Variants in ZNF83 observed in about 807,000 individuals in gnomAD.
The protein encoded by ZNF83 is zinc finger protein 816B.
For missense variants in ZNF83, 552 were observed against 629.9 expected (o/e 0.88, Z 1.32); for synonymous variants, 209 against 213.0 (o/e 0.98, Z 0.17).
At chr19:52,684,195 T>G (rs2061975119) in intron 1 of ZNF83, among the ~76,000 whole-genome samples, 1 of 151,874 alleles carries the variant, frequency 6.6e-6, no homozygotes, top group Non-Finnish European at 1.5e-5. Context: ...ATCGTGAAAC[T>G]GCATCTCTAC....
rs558320941 is a variant in ZNF83 at position 52,646,931 on chromosome 19, A to G, written c.-74+8630T>C. Among the ~76,000 whole-genome samples the G allele has an allele frequency of 1.6e-4, 24 of 152,272 alleles. No homozygotes were observed. The South Asian group carries it at 5.0e-3, about 32-fold the overall frequency. ...TATAGATTACATAACCTGTCACTGTATGATTTACTGTCTTTGTCCTGCTTC... is the reference window on the plus strand; with the variant it reads ...TATAGATTACATAACCTGTCACTGTGTGATTTACTGTCTTTGTCCTGCTTC... On this transcript the variant is annotated intron_variant, in intron 3 of 5. Coordinates refer to the ZNF83 transcript ENST00000594682.
chr19:52,641,920 G>T (rs1429903737), upstream of ZNF83, among the ~76,000 whole-genome samples: 1 of 152,100 alleles, frequency 6.6e-6, no homozygotes, highest in African/African-American at 2.4e-5. Context: ...CTGGAAAGGT[G>T]GAAAAACTGG....
Position 52,683,528 on chromosome 19 carries a change from A to ACACTCACTCTG in ZNF83, c.-283+6914_-283+6915insCAGAGTGAGTG, listed in dbSNP as rs1216197668. On this transcript the variant is annotated intron_variant, in intron 1 of 5. Transcript: ENST00000594682. ...CCCTTCCTGAAGGGAATCCAAAGGG[A>ACACTCACTCTG]AGGGCAAAGTCCCTGCCCATAATGG... Among the ~76,000 whole-genome samples the ACACTCACTCTG allele has an allele frequency of 2.4e-5, 2 of 82,686 alleles. 1 individual carries two copies. 54.2% of individuals were successfully genotyped at this position (82,686 alleles called of 152,430 possible).
chr19:52,678,856 T>C (rs2061861680), intron 1 of ZNF83, among the ~76,000 whole-genome samples: 1 of 151,648 alleles, frequency 6.6e-6, no homozygotes. Context: ...ATGCCTGTAA[T>C]CCCAGCTACT....
chr19:52,647,304 A>G (rs547369005), intron 3 of ZNF83, among the ~76,000 whole-genome samples: 1 of 152,294 alleles, frequency 6.6e-6, no homozygotes, highest in East Asian at 1.9e-4. Context: ...TCTCAGTTTC[A>G]TCTGTATAAT....
intron 3 of ZNF83, chr19:52,654,382 G>A (rs551904619): frequency 6.6e-4 from 765 of 1,165,934 alleles, no homozygotes; most frequent in Admixed American, 8.5e-4. Flanking sequence ...TGAGAACTCC[G>A]TCATGGATTT....
chr19:52,679,021 A>T, intron 1 of ZNF83, among the ~76,000 whole-genome samples: 1 of 152,112 alleles, frequency 6.6e-6, no homozygotes, highest in East Asian at 1.9e-4. Context: ...ATTTCATTCA[A>T]CCTCACAAGC....
At chr19:52,613,308 A>G (rs767664098) in exon 3 of ZNF83, 67 of 1,614,116 alleles carry the variant, frequency 4.2e-5, no homozygotes, top group Middle Eastern at 3.3e-4. Flanking sequence ...GAATTCTCCA[A>G]TGATATGCAA....
chr19:52,655,455 C>T (rs1390059675), intron 3 of ZNF83: 5 of 1,050,208 alleles, frequency 4.8e-6, no homozygotes, highest in South Asian at 1.4e-5. Context: ...ATGACATGTA[C>T]ATCAAAAGCA....
At chr19:52,628,840 CATGCCCCAACCTCATATATCTCT>C (rs1159527470) in intron 2 of ZNF83, among the ~76,000 whole-genome samples, 1 of 151,918 alleles carries the variant, frequency 6.6e-6, no homozygotes, top group African/African-American at 2.4e-5. Context: ...CCCTTATTTC[CATGCCCCAACCTCATATATCTCT>C]GTGCCCCAAC....
Position 52,656,234 on chromosome 19 carries a change from A to C in ZNF83, c.-200-547T>G, listed in dbSNP as rs963311976. ...TCTCTCTCTCTCTCTCTCTATATAT[A>C]TATATAGCCAGGCATGGGGGCTCAC... On this transcript the variant is annotated intron_variant, in intron 2 of 5. Coordinates refer to the ZNF83 transcript ENST00000594682. Among the ~76,000 whole-genome samples, 23 of 151,934 alleles carry C rather than the reference A, an allele frequency of 1.5e-4. 1 individual carries two copies. The highest frequency in any genetic ancestry group is 4.6e-4 in the African/African-American group (19 of 41,358).
intron 2 of ZNF83, among the ~76,000 whole-genome samples, chr19:52,625,383 C>T (rs1377940638): frequency 6.6e-6 from 1 of 152,158 alleles, no homozygotes; most frequent in Non-Finnish European, 1.5e-5. Context: ...AAACTCTTCT[C>T]AAGGCCGCAT....
chr19:52,657,039 C>T (rs936682366), intron 2 of ZNF83, among the ~76,000 whole-genome samples: 3 of 151,822 alleles, frequency 2.0e-5, no homozygotes, highest in Admixed American at 2.0e-4. Flanking sequence ...TTGCTTGAGC[C>T]TGGAGAGCAG....
exon 2 of ZNF83, chr19:52,635,113 G>A (rs781738932): frequency 1.7e-5 from 12 of 688,138 alleles, no homozygotes; most frequent in East Asian, 9.9e-5. Flanking sequence ...TTCCCCTTCC[G>A]GGTTTCTTCC....
upstream of ZNF83, among the ~76,000 whole-genome samples, chr19:52,642,909 C>G (rs2061326759): frequency 6.6e-6 from 1 of 152,066 alleles, no homozygotes; most frequent in African/African-American, 2.4e-5. Flanking sequence ...ATAATACTAG[C>G]ACTCTGGAAG....
chr19:52,676,188 G>A (rs1469222578), intron 1 of ZNF83, among the ~76,000 whole-genome samples: 2 of 152,198 alleles, frequency 1.3e-5, no homozygotes, highest in African/African-American at 4.8e-5. Flanking sequence ...TCGCTGTGTT[G>A]GTTGGGCTGG....
At chr19:52,627,261 C>G (rs933800088) in intron 2 of ZNF83, among the ~76,000 whole-genome samples, 44 of 152,126 alleles carry the variant, frequency 2.9e-4, no homozygotes, top group African/African-American at 9.9e-4. Flanking sequence ...AATAAACAGC[C>G]TTGTTGCTCA....
At chr19:52,643,501 G>A (rs1429071239) in intron 3 of ZNF83, among the ~76,000 whole-genome samples, 2 of 151,826 alleles carry the variant, frequency 1.3e-5, no homozygotes, top group African/African-American at 4.8e-5. Flanking sequence ...GGAGATTGAG[G>A]CCATCCTGGT....
chr19:52,676,106 G>T (rs565961414), intron 1 of ZNF83, among the ~76,000 whole-genome samples: 2 of 151,982 alleles, frequency 1.3e-5, no homozygotes, highest in Admixed American at 1.3e-4. Flanking sequence ...TCAGCCTGCT[G>T]AGTGCCTGCA....
Sources: allele counts gnomAD v4.1 joint callset (sites outside exome capture counted in the v4.1 genomes callset), GRCh38; gene constraint gnomAD v4.1.1; transcripts MANE v1.5; gene names NCBI Gene and HGNC (gene_info 2026-07-23, HGNC 2026-07-21).